ABCA13: variants seen among roughly 807,000 people sequenced by gnomAD.
ABCA13 encodes the protein ATP binding cassette subfamily A member 13.
ABCA13 carries 476 observed loss-of-function variants against 478.7 expected under a neutral mutation model. That is an observed-to-expected ratio of 0.99 (90% CI 0.92 to 1.07). ABCA13 has a LOEUF of 1.07. Ranked by LOEUF, ABCA13 falls within the 50% of genes least tolerant of loss-of-function variation. The pLI, the probability that ABCA13 is intolerant of heterozygous loss-of-function variation, is 0.00. For synonymous variants in ABCA13, 2,252 were observed against 2,158.9 expected, an observed-to-expected ratio of 1.04 and a Z score of -1.20; for missense variants, 6,060 against 5,910.6, an observed-to-expected ratio of 1.03 and a Z score of -0.83.
intron 55 of ABCA13, among the ~76,000 whole-genome samples, chr7:48,577,148 T>G (rs952732453): frequency 6.6e-6 from 1 of 151,952 alleles, no homozygotes; most frequent in Non-Finnish European, 1.5e-5. Flanking sequence ...AAATAGATAA[T>G]CTAAGCTTAT....
At chr7:48,252,808 G>A (rs552917005) in intron 15 of ABCA13, among the ~76,000 whole-genome samples, 5 of 151,886 alleles carry the variant, frequency 3.3e-5, no homozygotes, top group Non-Finnish European at 5.9e-5. Context: ...TTTCTTTAGC[G>A]GACAATCTCT....
chr7:48,574,692 T>C (rs1309923367), intron 55 of ABCA13, among the ~76,000 whole-genome samples: 1 of 152,188 alleles, frequency 6.6e-6, no homozygotes, highest in Non-Finnish European at 1.5e-5. Flanking sequence ...TTTGCTTAGC[T>C]CCTCTGCCTT....
At chr7:48,294,436 TTTTTTG>T (rs1799056890) in intron 20 of ABCA13, among the ~76,000 whole-genome samples, 4 of 137,934 alleles carry the variant, frequency 2.9e-5, no homozygotes, top group African/African-American at 8.2e-5. Context: ...TTTTTTTTTT[TTTTTTG>T]TTTTGTTTTT....
At chr7:48,496,315 A>G (rs527996176) in intron 48 of ABCA13, among the ~76,000 whole-genome samples, 1 of 152,006 alleles carries the variant, frequency 6.6e-6, no homozygotes, top group African/African-American at 2.4e-5. Flanking sequence ...CAGTCTACTG[A>G]TATTGTTATT....
At chr7:48,350,260 G>T (rs1305692999) in intron 29 of ABCA13, among the ~76,000 whole-genome samples, 1 of 151,914 alleles carries the variant, frequency 6.6e-6, no homozygotes, top group Non-Finnish European at 1.5e-5. Context: ...AGAATTGCTT[G>T]ACTCCAGGTT....
In ABCA13 at chr7:48,279,641, T is replaced by A; in HGVS notation, c.8447T>A (p.Ile2816Asn). 1 of 1,613,006 alleles carries A rather than the reference T, an allele frequency of 6.2e-7. No homozygotes were observed. Among genetic ancestry groups the A allele is most frequent in the Non-Finnish European group, 8.5e-7 (1 of 1,179,536 alleles). Residue 2816 changes from isoleucine to asparagine, a missense_variant, in exon 18 of 62, where the codon ATC (isoleucine) becomes AAC (asparagine). Physicochemically the swap from Ile to Asn is moderately radical, Grantham distance 149. Around this residue, in one of 3 missense-constraint regions of ABCA13, gnomAD observed 4,423 missense variants for 4,309.1 expected, o/e 1.03. Transcript: ENST00000435803. ...NITHHQLEKA[I>N]HNVLSRIALW... ...ACTCATCATCAACTTGAAAAAGCAATCCATAATGTTTTAAGTAGAATAGCT... is the reference window on the plus strand; with the variant it reads ...ACTCATCATCAACTTGAAAAAGCAAACCATAATGTTTTAAGTAGAATAGCT...
chr7:48,612,753 A>C (rs1792149610), intron 58 of ABCA13, among the ~76,000 whole-genome samples: 1 of 152,210 alleles, frequency 6.6e-6, no homozygotes, highest in African/African-American at 2.4e-5. Context: ...GTTCTTAGGA[A>C]AGTAATTACT....
In ABCA13 at chr7:48,244,683, A is replaced by G. The variant is rs368902562; in HGVS notation, c.1370A>G (p.Gln457Arg). Reference sequence around the variant, plus strand: ...GGAGCTCTCAGAAATGCGATAGCTCAGAATTTACATTTTGTCCAAGGTAAG... The same window carrying G: ...GGAGCTCTCAGAAATGCGATAGCTCGGAATTTACATTTTGTCCAAGGTAAG... Reference protein sequence around the residue: ...LDGALRNAIAQNLHFVQEVLI... With the variant: ...LDGALRNAIARNLHFVQEVLI... The change falls in exon 11 of 62, where the codon CAG becomes CGG. Residue 457 changes from glutamine to arginine, a missense_variant. Coordinates refer to ENST00000435803, the MANE Select transcript of ABCA13 (RefSeq NM_152701.5). 3.7e-6 allele frequency: 6 copies of G among 1,603,772 alleles called. No homozygotes were observed. Among genetic ancestry groups the G allele is most frequent in the Non-Finnish European group, 5.1e-6 (6 of 1,173,824 alleles).
chr7:48,229,763 T>C (rs1788776493), intron 6 of ABCA13, 62 bp from the exon 7 acceptor site: 5 of 1,596,572 alleles, frequency 3.1e-6, no homozygotes, highest in Non-Finnish European at 4.3e-6. Flanking sequence ...AAACCTAGAA[T>C]TGATGCTACT....
intron 48 of ABCA13, among the ~76,000 whole-genome samples, chr7:48,504,052 C>T (rs192018671): frequency 1.1e-3 from 164 of 152,168 alleles, no homozygotes; most frequent in Admixed American, 2.3e-3. Flanking sequence ...AAAATGAAAG[C>T]AATAATAATT....
At chr7:48,370,038 CTTTG>C (rs924153061) in intron 32 of ABCA13, among the ~76,000 whole-genome samples, 4 of 152,134 alleles carry the variant, frequency 2.6e-5, no homozygotes, top group Non-Finnish European at 4.4e-5. Context: ...CATGTGTTTC[CTTTG>C]TTTGCGTCAT....
At chr7:48,303,549 CAT>C (rs1800466063) in intron 23 of ABCA13, among the ~76,000 whole-genome samples, 1 of 152,108 alleles carries the variant, frequency 6.6e-6, no homozygotes, top group Non-Finnish European at 1.5e-5. Flanking sequence ...ATCTTCTGCA[CAT>C]GGCTAGCCAG....
In ABCA13 at chr7:48,268,983, T is replaced by C; in HGVS notation, c.2009T>C (p.Phe670Ser). ...TAGAAAATGTCTTTTTATTTAGCTT[T>C]TCCTGAGGAATCTCCTTGTTTTGAA... ...QESFQNRLLAFPEESPCFEEN... is the reference protein window; with the variant it reads ...QESFQNRLLASPEESPCFEEN... The change falls in exon 16 of 62, where the codon TTT becomes TCT. Residue 670 changes from phenylalanine (F) to serine (S), a missense_variant. Physicochemically the swap from Phe to Ser is radical, Grantham distance 155 (BLOSUM62 -2). Coordinates refer to ENST00000435803, the MANE Select transcript of ABCA13 (RefSeq NM_152701.5). 2 of 1,544,388 alleles carry C rather than the reference T, an allele frequency of 1.3e-6. No individual in the cohort carries two copies.
intron 43 of ABCA13, among the ~76,000 whole-genome samples, chr7:48,457,739 C>T (rs762916291): frequency 1.3e-5 from 2 of 152,152 alleles, no homozygotes; most frequent in East Asian, 1.9e-4. Context: ...CACAGGCTAT[C>T]GTACCTGTTC....
chr7:48,590,028 A>G (rs1221062985), intron 57 of ABCA13, among the ~76,000 whole-genome samples: 2 of 152,182 alleles, frequency 1.3e-5, no homozygotes, highest in African/African-American at 4.8e-5. Flanking sequence ...TTAGGTCTCC[A>G]GAACTTGTTT....
chr7:48,634,744 T>C (rs1240005476), intron 59 of ABCA13, among the ~76,000 whole-genome samples: 2 of 152,234 alleles, frequency 1.3e-5, no homozygotes. Flanking sequence ...TAATTTTTCT[T>C]ACATGTTAAT....
At chr7:48,377,899 C>T (rs1563152071) in intron 35 of ABCA13, among the ~76,000 whole-genome samples, 2 of 152,086 alleles carry the variant, frequency 1.3e-5, no homozygotes, top group South Asian at 2.1e-4. Flanking sequence ...AATACAAAGA[C>T]CAGCAACAAA....
chr7:48,524,207 C>T, intron 53 of ABCA13, 41 bp from the exon 54 acceptor site: 4 of 1,567,194 alleles, frequency 2.6e-6, no homozygotes, highest in Non-Finnish European at 3.5e-6. Flanking sequence ...ATTCTGGTAT[C>T]ATTTGCTAGG....
chr7:48,349,726 C>T (rs969494118), intron 29 of ABCA13, among the ~76,000 whole-genome samples: 4 of 152,120 alleles, frequency 2.6e-5, no homozygotes, highest in Non-Finnish European at 4.4e-5. Flanking sequence ...TGTCCGGGGA[C>T]AAATGCCCAC....
Sources: allele counts gnomAD v4.1 joint callset (sites outside exome capture counted in the v4.1 genomes callset), GRCh38; gene constraint gnomAD v4.1.1; regional missense constraint gnomAD v4.1.1; transcripts MANE v1.5; gene names NCBI Gene and HGNC (gene_info 2026-07-23, HGNC 2026-07-21).